The following FBXO38 variants were observed in gnomAD, a reference collection of about 807,000 sequenced individuals.
FBXO38 encodes F-box only protein 38.
FBXO38 carries 53 observed loss-of-function variants against 131.9 expected under a neutral mutation model. That is an observed-to-expected ratio of 0.40 (90% CI 0.32 to 0.51). FBXO38 has a LOEUF of 0.51. FBXO38 is among the 20% of genes least tolerant of loss of function. The probability of loss-of-function intolerance (pLI) is 0.53; values close to 1 mark genes in which losing one functional copy is unlikely to be tolerated. For synonymous variants in FBXO38, 452 were observed against 505.6 expected, an observed-to-expected ratio of 0.89 and a Z score of 1.42; for missense variants, 1,076 against 1,475.6, an observed-to-expected ratio of 0.73 and a Z score of 4.44.
chr5:148,426,032 A>G (rs186677153), intron 14 of FBXO38, among the ~76,000 whole-genome samples: 23 of 152,290 alleles, frequency 1.5e-4, no homozygotes, highest in Admixed American at 1.4e-3. Flanking sequence ...ATCCAGAGCA[A>G]TGAAAAGCAA....
Position 148,427,785 on chromosome 5 carries a change from G to A in FBXO38, c.2491G>A (p.Asp831Asn), listed in dbSNP as rs750979508. 1.9e-6 allele frequency: 3 copies of A among 1,611,010 alleles called. No individual in the cohort carries two copies. In the South Asian group the frequency reaches 3.3e-5, roughly 18 times the overall value. The change falls in exon 15 of 22, where the codon GAT becomes AAT. Residue 831 changes from aspartate to asparagine, a missense_variant. This residue lies in a region of FBXO38 where 213 missense variants were observed against 225.2 expected (regional missense o/e 0.95). Transcript: ENST00000340253. ...AGGGGGGTCTTCAGGCCCAGCACAT[G>A]ATGAGAGGACTAATGGGAGTGGCTC... ...PQGGSSGPAH[D>N]ERTNGSGSGA...
rs752312577 is a variant in FBXO38, at chr5:148,427,817, T to C, written c.2523T>C (p.Ala841=). The change falls in exon 15 of 22, where the codon GCT becomes GCC. Residue 841 remains alanine (A), a synonymous_variant. Transcript: ENST00000340253. ...DERTNGSGSG[A]TGEDRRGSSQ... ...GGACTAATGGGAGTGGCTCTGGGGC[T>C]ACAGGTGAGGACAGGAGGGGGAGCT... is the stretch of plus-strand genomic sequence containing the variant. The C allele has an allele frequency of 6.2e-7, 1 of 1,608,176 alleles. No homozygotes were observed. The highest frequency in any genetic ancestry group is 1.7e-5 in the Admixed American group (1 of 59,646).
At chr5:148,412,313 G>A (rs1216141653) in intron 9 of FBXO38, among the ~76,000 whole-genome samples, 1 of 152,056 alleles carries the variant, frequency 6.6e-6, no homozygotes, top group South Asian at 2.1e-4. Context: ...ACTTGTTATG[G>A]ACGATATCAT....
intron 12 of FBXO38, among the ~76,000 whole-genome samples, chr5:148,418,405 C>T (rs1753191508): frequency 6.6e-6 from 1 of 152,122 alleles, no homozygotes; most frequent in African/African-American, 2.4e-5. Context: ...TCTTTGTTTC[C>T]AGCCTTAACT....
intron 3 of FBXO38, among the ~76,000 whole-genome samples, chr5:148,401,768 A>C (rs1173390312): frequency 6.6e-6 from 1 of 152,204 alleles, no homozygotes; most frequent in African/African-American, 2.4e-5. Flanking sequence ...AGCCTCCTCC[A>C]TAAAGTATTA....
At chr5:148,401,601 C>T (rs113387413) in intron 3 of FBXO38, among the ~76,000 whole-genome samples, 77 of 152,110 alleles carry the variant, frequency 5.1e-4, no homozygotes, top group African/African-American at 1.8e-3. Flanking sequence ...GTTTTACAGA[C>T]GAGAGTACCC....
intron 7 of FBXO38, 139 bp downstream of exon 7, chr5:148,406,533 CAGTA>C (rs1378137835): frequency 3.1e-6 from 2 of 643,144 alleles, no homozygotes; most frequent in African/African-American, 1.9e-5. Context: ...ATTTGATGGA[CAGTA>C]AGTAACCATG....
intron 3 of FBXO38, among the ~76,000 whole-genome samples, chr5:148,400,328 T>G (rs899986684): frequency 2.0e-5 from 3 of 152,146 alleles, no homozygotes; most frequent in Non-Finnish European, 4.4e-5. Flanking sequence ...TTAGATTTAC[T>G]TTTGCAAAGG....
chr5:148,406,890 G>A (rs1752475509), intron 7 of FBXO38, among the ~76,000 whole-genome samples: 1 of 152,078 alleles, frequency 6.6e-6, no homozygotes, highest in African/African-American at 2.4e-5. Context: ...GTTGTTCTGT[G>A]TATACTTAAC....
chr5:148,415,862 C>G lies in FBXO38; in HGVS notation c.1265-66C>G, dbSNP rs1753024497. ...ATTTGAAAGTCTTTGTGACCTGTAT[C>G]AAAATTCATCAGTAATGGGGAAAAT... On this transcript the variant is annotated intron_variant, in intron 10 of 21. Coordinates refer to ENST00000340253, the MANE Select transcript of FBXO38 (RefSeq NM_205836.3). 3.2e-6 allele frequency: 5 copies of G among 1,550,230 alleles called. No individual in the cohort carries two copies. The Admixed American group carries it at 8.7e-5, about 27-fold the overall frequency.
intron 2 of FBXO38, among the ~76,000 whole-genome samples, chr5:148,395,143 T>C (rs11957411): frequency 6.6e-6 from 1 of 152,098 alleles, no homozygotes; most frequent in Non-Finnish European, 1.5e-5. Flanking sequence ...TTTTGTCACA[T>C]ATAGTTCTGT....
At chr5:148,441,425 A>T (rs907157823) in intron 21 of FBXO38, 188 bp downstream of exon 21, 13 of 517,756 alleles carry the variant, frequency 2.5e-5, no homozygotes, top group Non-Finnish European at 4.0e-5. Context: ...CTTACTAGGG[A>T]TATATAAAGG....
intron 1 of FBXO38, 112 bp from the exon 2 acceptor site, chr5:148,394,602 G>A (rs1561513341): frequency 2.6e-6 from 1 of 385,332 alleles, no homozygotes; most frequent in South Asian, 9.7e-5. Flanking sequence ...TGAATGTGAT[G>A]TGTACCATTA....
At chr5:148,423,802 T>G in intron 12 of FBXO38, 196 bp from the exon 13 acceptor site, 1 of 360,752 alleles carries the variant, frequency 2.8e-6, no homozygotes, top group Non-Finnish European at 5.0e-6. Context: ...ATCTGTGATT[T>G]TCTCTCCTGT....
At chr5:148,389,264 G>A (rs1463232318) in intron 1 of FBXO38, among the ~76,000 whole-genome samples, 1 of 152,188 alleles carries the variant, frequency 6.6e-6, no homozygotes, top group Non-Finnish European at 1.5e-5. Context: ...ATGAAATATT[G>A]TGAGAATTAC....
At chr5:148,422,074 T>C (rs998162276) in intron 12 of FBXO38, among the ~76,000 whole-genome samples, 6 of 152,118 alleles carry the variant, frequency 3.9e-5, no homozygotes, top group Non-Finnish European at 2.9e-5. Context: ...CTAAATGTTT[T>C]AATAGCTTTC....
intron 15 of FBXO38, chr5:148,430,139 TATA>T (rs1231790646): frequency 3.8e-5 from 5 of 131,230 alleles, no homozygotes; most frequent in African/African-American, 1.6e-4. Flanking sequence ...AAATTATAAT[TATA>T]ATTATTATTA....
rs79554071 is a variant in FBXO38 at position 148,422,951 on chromosome 5, GGTTTGTTT to G, written c.1619-1018_1619-1011del. 3.9e-3 allele frequency among the ~76,000 whole-genome samples: 587 copies of G among 151,098 alleles called. 3 individuals carry two copies. The highest frequency in any genetic ancestry group is 0.011 in the African/African-American group (472 of 41,088). ...CATCTCTATCACAACACAGATAACT[GGTTTGTTT>G]GTTTGTTTGTTTGTTTGTTTGTTTG... is the stretch of plus-strand genomic sequence containing the variant. On this transcript the variant is annotated intron_variant, in intron 12 of 21. Transcript: ENST00000340253.
intron 12 of FBXO38, among the ~76,000 whole-genome samples, chr5:148,417,666 A>AT (rs774108979): frequency 3.3e-5 from 5 of 152,288 alleles, no homozygotes; most frequent in Admixed American, 1.3e-4. Context: ...CACCCTGCAG[A>AT]TTAAGTACAT....
Sources: gnomAD v4.1 joint callset for allele counts (sites outside exome capture counted in the v4.1 genomes callset) on GRCh38, gnomAD v4.1.1 for gene constraint, gnomAD v4.1.1 regional missense constraint, MANE v1.5 for transcripts, NCBI Gene and HGNC (gene_info 2026-07-23, HGNC 2026-07-21) for gene names.